The following MICAL2 variants were observed in gnomAD, a reference collection of about 807,000 sequenced individuals.
The protein encoded by MICAL2 is [F-actin]-monooxygenase MICAL2.
MICAL2 carries 77 observed loss-of-function variants against 127.3 expected under a neutral mutation model. That is an observed-to-expected ratio of 0.60 (90% CI 0.50 to 0.73). The LOEUF (loss-of-function observed/expected upper bound fraction) is 0.73. Ranked by LOEUF, MICAL2 falls within the 30% of genes least tolerant of loss-of-function variation. The pLI, the probability that MICAL2 is intolerant of heterozygous loss-of-function variation, is 0.00. For synonymous variants in MICAL2, 570 were observed against 551.1 expected (o/e 1.03, Z -0.48); for missense variants, 1,351 against 1,434.4 (o/e 0.94, Z 0.94).
chr11:12,360,612 G>T (rs569825090), downstream of MICAL2, among the ~76,000 whole-genome samples: 4 of 152,306 alleles, frequency 2.6e-5, no homozygotes, highest in East Asian at 7.7e-4. Flanking sequence ...TCATGTTTGA[G>T]TTGTTATTGT....
At chr11:12,236,098 C>A in intron 15 of MICAL2, 79 bp from the exon 16 acceptor site, 1 of 1,254,868 alleles carries the variant, frequency 8.0e-7, no homozygotes, top group East Asian at 2.3e-5. Context: ...CAAAGCCAGC[C>A]CTATGCCCTC....
chr11:12,292,519 C>T (rs183471557), downstream of MICAL2, among the ~76,000 whole-genome samples: 4 of 152,308 alleles, frequency 2.6e-5, no homozygotes, highest in Admixed American at 2.6e-4. Context: ...AGGACACAGT[C>T]ATTCCCTCAG....
intron 3 of MICAL2, among the ~76,000 whole-genome samples, chr11:12,190,360 C>A (rs762002342): frequency 6.6e-6 from 1 of 152,004 alleles, no homozygotes; most frequent in African/African-American, 2.4e-5. Flanking sequence ...TATCCAACCC[C>A]CAGAAGATGG....
intron 2 of MICAL2, among the ~76,000 whole-genome samples, chr11:12,286,635 G>A (rs757725888): frequency 1.4e-4 from 21 of 152,256 alleles, no homozygotes; most frequent in Middle Eastern, 6.8e-3. Flanking sequence ...TTGGGAGGCC[G>A]AGGTGGGAGG....
intron 6 of MICAL2, among the ~76,000 whole-genome samples, 172 bp from the exon 7 acceptor site, chr11:12,213,080 TTTA>T (rs1208663461): frequency 1.1e-5 from 1 of 93,778 alleles, no homozygotes; most frequent in Non-Finnish European, 2.7e-5. Flanking sequence ...CTCACTGACT[TTTA>T]AAAGCCTTGG....
At chr11:12,119,722 GT>G (rs1442565325) in intron 1 of MICAL2, among the ~76,000 whole-genome samples, 7 of 152,282 alleles carry the variant, frequency 4.6e-5, no homozygotes, top group Middle Eastern at 3.4e-3. Flanking sequence ...GAGTGGGGTA[GT>G]TTCAAATGAC....
chr11:12,190,513 C>T (rs940479844), intron 3 of MICAL2, among the ~76,000 whole-genome samples: 1 of 152,198 alleles, frequency 6.6e-6, no homozygotes, highest in African/African-American at 2.4e-5. Context: ...AAACTCCCAC[C>T]TATTTTCAGC....
chr11:12,230,947 G>C (rs1157742796), intron 15 of MICAL2, among the ~76,000 whole-genome samples: 3 of 152,208 alleles, frequency 2.0e-5, no homozygotes, highest in African/African-American at 7.2e-5. Context: ...AAGGCCCTTG[G>C]TCTGCTTCTG....
At chr11:12,338,836 A>G (rs1351045953) in intron 32 of MICAL2, among the ~76,000 whole-genome samples, 1 of 152,228 alleles carries the variant, frequency 6.6e-6, no homozygotes, top group African/African-American at 2.4e-5. Flanking sequence ...TGTTTGTCGG[A>G]TAGGCCTCCC....
chr11:12,334,004 C>T (rs1212580264), intron 32 of MICAL2, among the ~76,000 whole-genome samples: 2 of 152,002 alleles, frequency 1.3e-5, no homozygotes, highest in Non-Finnish European at 2.9e-5. Context: ...TGTTTCGTAC[C>T]ATACAAACAA....
At chr11:12,271,547 A>G (rs1416424142), upstream of MICAL2, among the ~76,000 whole-genome samples, 2 of 152,108 alleles carry the variant, frequency 1.3e-5, no homozygotes, top group African/African-American at 4.8e-5. Context: ...TTTTCCACTC[A>G]TCCTGTGAGG....
chr11:12,324,059 T>C (rs1864329842), exon 31 of MICAL2: 5 of 1,612,756 alleles, frequency 3.1e-6, no homozygotes, highest in Non-Finnish European at 4.2e-6. Context: ...GAAAAGACTC[T>C]ATAAGGCTCA....
chr11:12,299,457 TATTTA>T (rs1008429653), intron 29 of MICAL2, among the ~76,000 whole-genome samples: 2 of 152,220 alleles, frequency 1.3e-5, no homozygotes, highest in African/African-American at 4.8e-5. Context: ...AGGCTGAAAT[TATTTA>T]ATTTGTTTTT....
At chr11:12,240,941 T>C in intron 17 of MICAL2, 99 bp from the exon 18 acceptor site, 1 of 1,471,084 alleles carries the variant, frequency 6.8e-7, no homozygotes, top group East Asian at 2.3e-5. Flanking sequence ...TTCGTCTCCC[T>C]GCTCCTCTTC....
intron 5 of MICAL2, 134 bp downstream of exon 5, chr11:12,208,273 AT>A: frequency 1.6e-6 from 1 of 628,200 alleles, no homozygotes; most frequent in Non-Finnish European, 2.6e-6. Flanking sequence ...ACTGAAGGGT[AT>A]TTTACTGTTT....
intron 15 of MICAL2, among the ~76,000 whole-genome samples, chr11:12,228,486 A>G (rs1194385242): frequency 6.6e-6 from 1 of 152,196 alleles, no homozygotes; most frequent in Non-Finnish European, 1.5e-5. Flanking sequence ...CAGTTATAGG[A>G]CATACAGAAG....
At chr11:12,197,825 A>C (rs1298581566) in intron 3 of MICAL2, 1 of 152,262 alleles carries the variant, frequency 6.6e-6, no homozygotes, top group African/African-American at 2.4e-5. Flanking sequence ...GGAGGAGAGC[A>C]CTGGCTCAGG....
chr11:12,140,108 T>C (rs1852202048), intron 2 of MICAL2, among the ~76,000 whole-genome samples: 1 of 152,260 alleles, frequency 6.6e-6, no homozygotes, highest in Non-Finnish European at 1.5e-5. Context: ...TTACAGAGAA[T>C]GTGATGCTTG....
intron 1 of MICAL2, among the ~76,000 whole-genome samples, 154 bp from the exon 2 acceptor site, chr11:12,138,236 C>T (rs1393730130): frequency 6.6e-6 from 1 of 152,110 alleles, no homozygotes; most frequent in Non-Finnish European, 1.5e-5. Flanking sequence ...TGTTGGAGGC[C>T]AGGGAGAGAT....
Sources: allele counts gnomAD v4.1 joint callset (sites outside exome capture counted in the v4.1 genomes callset), GRCh38; gene constraint gnomAD v4.1.1; transcripts MANE v1.5; gene names NCBI Gene and HGNC (gene_info 2026-07-23, HGNC 2026-07-21).